The following SULF1 variants were observed in gnomAD, a reference collection of about 807,000 sequenced individuals.
SULF1 encodes the protein sulfatase 1.
In SULF1, 46 loss-of-function variants were observed where a neutral mutation model predicts 110.5. The ratio of observed to expected loss-of-function variants is 0.42; its 90% CI spans 0.33 to 0.53. SULF1 has a LOEUF of 0.53. Among genes scored for constraint, SULF1 ranks in the 20% least tolerant of loss-of-function variants. The pLI is 0.12. For missense variants in SULF1, 941 were observed against 1,094.2 expected (o/e 0.86, Z 1.98); for synonymous variants, 371 against 387.1 (o/e 0.96, Z 0.49).
intron 5 of SULF1, among the ~76,000 whole-genome samples, chr8:69,566,626 G>A (rs938359194): frequency 1.3e-4 from 20 of 152,110 alleles, no homozygotes; most frequent in Middle Eastern, 3.2e-3. Flanking sequence ...TGAGGCAGGC[G>A]GATCACCTGA....
intron 1 of SULF1, among the ~76,000 whole-genome samples, chr8:69,477,868 T>G (rs1172259364): frequency 6.6e-6 from 1 of 151,980 alleles, no homozygotes; most frequent in Non-Finnish European, 1.5e-5. Flanking sequence ...TCTCCTTTGT[T>G]TTTTTTTGAG....
In SULF1 at chr8:69,627,291, A is replaced by T. The variant is rs1325613214; in HGVS notation, c.1932A>T (p.Ala644=). 1.2e-6 allele frequency: 2 copies of T among 1,613,648 alleles called. No homozygotes were observed. The highest frequency in any genetic ancestry group is 1.7e-6 in the Non-Finnish European group (2 of 1,179,634). The part of the protein sequence containing the change: ...QSARAWKDHK[A]YIDKEIEALQ... Reference sequence around the variant, plus strand: ...CCAGAGCGTGGAAGGACCATAAGGCATACATTGACAAAGAGGTTAGCCATG... The same window carrying T: ...CCAGAGCGTGGAAGGACCATAAGGCTTACATTGACAAAGAGGTTAGCCATG... Residue 644 remains alanine, a synonymous_variant, in exon 16 of 23, where the codon GCA becomes GCT. Coordinates refer to ENST00000402687, the MANE Select transcript of SULF1 (RefSeq NM_001128205.2).
At chr8:69,621,277 C>T in intron 14 of SULF1, 26 bp downstream of exon 14, 2 of 1,571,276 alleles carry the variant, frequency 1.3e-6, no homozygotes, top group Non-Finnish European at 1.7e-6. Flanking sequence ...GTGACCATCT[C>T]AATGGTGGCC....
At chr8:69,468,836 G>A (rs534771099) in intron 1 of SULF1, among the ~76,000 whole-genome samples, 10 of 152,196 alleles carry the variant, frequency 6.6e-5, no homozygotes, top group Non-Finnish European at 1.2e-4. Flanking sequence ...TCCCTGAGAT[G>A]TGGCATGATG....
At chr8:69,468,332 T>C (rs1211813497) in intron 1 of SULF1, among the ~76,000 whole-genome samples, 1 of 152,250 alleles carries the variant, frequency 6.6e-6, no homozygotes, top group African/African-American at 2.4e-5. Context: ...TTCGATTGCA[T>C]AAAGATGCCT....
chr8:69,593,004 C>T (rs1807022988), intron 8 of SULF1: 2 of 966,526 alleles, frequency 2.1e-6, no homozygotes, highest in Non-Finnish European at 1.2e-6. Context: ...GTTTGGAGAA[C>T]TCCCTTAGCC....
chr8:69,550,110 C>A (rs76536757), intron 3 of SULF1, among the ~76,000 whole-genome samples: 1 of 151,120 alleles, frequency 6.6e-6, no homozygotes, highest in East Asian at 1.9e-4. Context: ...GTTTGAAATT[C>A]TCTAGGCATA....
intron 3 of SULF1, among the ~76,000 whole-genome samples, chr8:69,550,815 A>G (rs1057440815): frequency 6.6e-6 from 1 of 152,200 alleles, no homozygotes; most frequent in Non-Finnish European, 1.5e-5. Context: ...AGTTGCAAAC[A>G]TGACCTTGGC....
intron 5 of SULF1, among the ~76,000 whole-genome samples, chr8:69,565,272 A>C (rs1055995555): frequency 6.6e-6 from 1 of 152,154 alleles, no homozygotes; most frequent in African/African-American, 2.4e-5. Context: ...GACAGGCCAA[A>C]ATGAAAGGTG....
At chr8:69,634,237 A>G (rs1232820168) in intron 19 of SULF1, among the ~76,000 whole-genome samples, 1 of 152,180 alleles carries the variant, frequency 6.6e-6, no homozygotes, top group African/African-American at 2.4e-5. Flanking sequence ...CTTTGAAATA[A>G]GCATATGTAG....
chr8:69,479,890 C>T (rs892243566), intron 1 of SULF1, among the ~76,000 whole-genome samples: 3 of 152,098 alleles, frequency 2.0e-5, no homozygotes, highest in African/African-American at 4.8e-5. Context: ...CATTGGGACC[C>T]GACAAGGAAA....
chr8:69,514,155 G>A (rs770758213), intron 3 of SULF1, among the ~76,000 whole-genome samples: 1 of 152,146 alleles, frequency 6.6e-6, no homozygotes. Flanking sequence ...CCTTGTATTA[G>A]TCCATTCTCA....
chr8:69,516,669 C>G (rs1811941795), intron 3 of SULF1, among the ~76,000 whole-genome samples: 1 of 151,984 alleles, frequency 6.6e-6, no homozygotes, highest in South Asian at 2.1e-4. Flanking sequence ...TCAAGCTGAC[C>G]CTAGATTTAT....
intron 1 of SULF1, among the ~76,000 whole-genome samples, chr8:69,482,609 G>A (rs1809556351): frequency 6.6e-6 from 1 of 152,006 alleles, no homozygotes; most frequent in Non-Finnish European, 1.5e-5. Context: ...GGCAGGGGGA[G>A]GGAATGAAAT....
intron 3 of SULF1, among the ~76,000 whole-genome samples, chr8:69,506,067 T>C (rs565465292): frequency 6.6e-6 from 1 of 152,354 alleles, no homozygotes; most frequent in Non-Finnish European, 1.5e-5. Flanking sequence ...ATGGAGAATG[T>C]ACAATGTTTA....
At chr8:69,500,796 G>A (rs935095535) in intron 2 of SULF1, among the ~76,000 whole-genome samples, 2 of 152,148 alleles carry the variant, frequency 1.3e-5, no homozygotes, top group Admixed American at 6.5e-5. Context: ...CATAAAACTA[G>A]CGGCGGCGGA....
At chr8:69,643,937 G>C (rs1811678656) in intron 22 of SULF1, among the ~76,000 whole-genome samples, 1 of 152,206 alleles carries the variant, frequency 6.6e-6, no homozygotes, top group Non-Finnish European at 1.5e-5. Flanking sequence ...TATGAAAGCT[G>C]GTGCTGCTGC....
rs539010676 is a variant in SULF1 at position 69,622,510 on chromosome 8, G to A, written c.1594+1259G>A. Among the ~76,000 whole-genome samples, 3 of 151,906 alleles carry A rather than the reference G, an allele frequency of 2.0e-5. No individual in the cohort carries two copies. The South Asian group carries it at 6.3e-4, about 32-fold the overall frequency. On this transcript the variant is annotated intron_variant, in intron 14 of 22. Transcript: ENST00000402687. ...TGAGGCAGGAGAATTGCTTGAACCTGAGATGCAGAGGTGGCAGTGAGCCGA... is the reference window on the plus strand; with the variant it reads ...TGAGGCAGGAGAATTGCTTGAACCTAAGATGCAGAGGTGGCAGTGAGCCGA...
chr8:69,525,027 T>C (rs1187039613), intron 3 of SULF1, among the ~76,000 whole-genome samples: 1 of 152,208 alleles, frequency 6.6e-6, no homozygotes, highest in African/African-American at 2.4e-5. Flanking sequence ...CATCTTCTCT[T>C]TACTTTGACA....
Sources: gnomAD v4.1 joint callset for allele counts (sites outside exome capture counted in the v4.1 genomes callset) on GRCh38, gnomAD v4.1.1 for gene constraint, MANE v1.5 for transcripts, NCBI Gene and HGNC (gene_info 2026-07-23, HGNC 2026-07-21) for gene names.